The following PAX8 variants were observed in gnomAD, a reference collection of about 807,000 sequenced individuals.
PAX8 encodes the protein paired box protein Pax-8.
A neutral mutation model predicts 52.4 loss-of-function variants in PAX8; 15 were observed. That is an observed-to-expected ratio of 0.29 (90% CI 0.19 to 0.44). PAX8 has a LOEUF of 0.44. Ranked by LOEUF, PAX8 falls within the 20% of genes least tolerant of loss-of-function variation. PAX8 has a pLI of 1.00. For synonymous variants in PAX8, 284 were observed against 249.7 expected, an observed-to-expected ratio of 1.14 and a Z score of -1.29; for missense variants, 554 against 602.5, an observed-to-expected ratio of 0.92 and a Z score of 0.84.
chr2:113,241,959 G>A, intron 6 of PAX8, 49 bp downstream of exon 6: 2 of 1,607,146 alleles, frequency 1.2e-6, no homozygotes, highest in Non-Finnish European at 1.7e-6. Flanking sequence ...CAAAGCCTGA[G>A]CAAACTGCTC....
intron 2 of PAX8, among the ~76,000 whole-genome samples, chr2:113,258,474 G>A (rs1002718206): frequency 4.6e-5 from 7 of 151,968 alleles, no homozygotes; most frequent in Non-Finnish European, 7.4e-5. Context: ...CAATGCCACC[G>A]CTCCCCTACC....
intron 2 of PAX8, among the ~76,000 whole-genome samples, chr2:113,253,872 T>C (rs1415195542): frequency 6.6e-6 from 1 of 152,196 alleles, no homozygotes; most frequent in African/African-American, 2.4e-5. Flanking sequence ...TGGGGAGGTA[T>C]CATAGATAAA....
At chr2:113,267,108 C>G (rs1020947152) in intron 2 of PAX8, 1 of 152,226 alleles carries the variant, frequency 6.6e-6, no homozygotes, top group Non-Finnish European at 1.5e-5. Flanking sequence ...TGAGGGGTCT[C>G]AGGCGCAGAG....
Position 113,278,420 on chromosome 2 carries a change from C to T in PAX8, c.-26G>A, listed in dbSNP as rs752109023. 6 of 1,610,444 alleles carry T rather than the reference C, an allele frequency of 3.7e-6. No homozygotes were observed. The East Asian group carries it at 1.1e-4, about 30-fold the overall frequency. On this transcript the variant is annotated 5_prime_UTR_variant, in exon 2 of 12. Coordinates refer to ENST00000429538, the MANE Select transcript of PAX8 (RefSeq NM_003466.4). ...CGCCGGGGAGTCGCTCGCAGCCCGC[C>T]GAGGGCTCGGGGCTTCCTCCCGTAG...
chr2:113,266,082 C>T (rs1320686124), intron 2 of PAX8: 1 of 152,270 alleles, frequency 6.6e-6, no homozygotes, highest in Non-Finnish European at 1.5e-5. Flanking sequence ...ACTGAGCACA[C>T]ACTTGGGAGA....
At chr2:113,228,919 T>C (rs1689736377) in intron 9 of PAX8, among the ~76,000 whole-genome samples, 1 of 152,206 alleles carries the variant, frequency 6.6e-6, no homozygotes, top group Non-Finnish European at 1.5e-5. Flanking sequence ...ACCTCCTCCT[T>C]ATCTCTCTTT....
intron 2 of PAX8, among the ~76,000 whole-genome samples, chr2:113,257,911 TGAG>T (rs1246476936): frequency 6.6e-6 from 1 of 152,220 alleles, no homozygotes; most frequent in East Asian, 1.9e-4. Flanking sequence ...GATGAGAAGA[TGAG>T]GAACAGATTC....
chr2:113,235,943 C>T (rs1324229491), intron 8 of PAX8: 13 of 280,776 alleles, frequency 4.6e-5, no homozygotes, highest in African/African-American at 2.3e-4. Context: ...CTGGGCCCAC[C>T]TTGAGGCCCG....
At chr2:113,235,878 A>C (rs1558701692) in intron 8 of PAX8, 2 of 419,784 alleles carry the variant, frequency 4.8e-6, no homozygotes, top group Admixed American at 8.2e-5. Context: ...CTAGGACCGG[A>C]GGCGCGACCC....
chr2:113,233,677 C>CAAAA (rs72013345), intron 9 of PAX8, among the ~76,000 whole-genome samples: 1 of 69,680 alleles, frequency 1.4e-5, no homozygotes, highest in Admixed American at 1.7e-4. Flanking sequence ...GATTCCATCT[C>CAAAA]AAAAAACAAA....
intron 11 of PAX8, among the ~76,000 whole-genome samples, chr2:113,219,479 G>T (rs1689160979): frequency 6.6e-6 from 1 of 152,240 alleles, no homozygotes; most frequent in South Asian, 2.1e-4. Context: ...GACAAGAGAG[G>T]GGTGAAGAGA....
intron 10 of PAX8, among the ~76,000 whole-genome samples, chr2:113,223,221 CAT>C (rs1689363787): frequency 6.6e-6 from 1 of 152,112 alleles, no homozygotes; most frequent in African/African-American, 2.4e-5. Context: ...CCTGGTCTGC[CAT>C]ATATATACTT....
intron 10 of PAX8, chr2:113,226,192 C>A: frequency 5.1e-6 from 5 of 985,406 alleles, no homozygotes; most frequent in Non-Finnish European, 6.0e-6. Context: ...AAGATTAACT[C>A]CTGCCGGCAA....
intron 10 of PAX8, among the ~76,000 whole-genome samples, chr2:113,221,919 A>G (rs1689292025): frequency 6.6e-6 from 1 of 152,204 alleles, no homozygotes; most frequent in South Asian, 2.1e-4. Flanking sequence ...TAAATCAAGC[A>G]AAAAACATGG....
intron 2 of PAX8, chr2:113,275,590 G>C (rs1305487083): frequency 6.6e-6 from 1 of 152,170 alleles, no homozygotes; most frequent in South Asian, 2.1e-4. Context: ...GTGGGAGTGG[G>C]CTGCGACAAG....
At chr2:113,249,120 C>T (rs967872461) in intron 2 of PAX8, among the ~76,000 whole-genome samples, 2 of 152,258 alleles carry the variant, frequency 1.3e-5, no homozygotes, top group African/African-American at 2.4e-5. Context: ...ACAGCTTCCA[C>T]CTATGCCTGT....
chr2:113,270,896 TTCTC>T (rs1693420579), intron 2 of PAX8: 2 of 152,228 alleles, frequency 1.3e-5, no homozygotes, highest in South Asian at 4.1e-4. Flanking sequence ...TATTTTTTCT[TTCTC>T]AATCTCTCCC....
intron 9 of PAX8, among the ~76,000 whole-genome samples, chr2:113,233,719 A>C (rs1690060007): frequency 6.6e-6 from 1 of 150,784 alleles, no homozygotes. Flanking sequence ...AGGGACTTTT[A>C]TCACATGACC....
intron 2 of PAX8, among the ~76,000 whole-genome samples, chr2:113,248,029 G>A (rs555197783): frequency 2.0e-5 from 3 of 152,302 alleles, no homozygotes; most frequent in African/African-American, 4.8e-5. Context: ...AGCCAAGTGA[G>A]GGAGAGAGGG....
Sources: gnomAD v4.1 joint callset for allele counts (sites outside exome capture counted in the v4.1 genomes callset) on GRCh38, gnomAD v4.1.1 for gene constraint, MANE v1.5 for transcripts, NCBI Gene and HGNC (gene_info 2026-07-23, HGNC 2026-07-21) for gene names.